The following PPP2R2B variants were observed in gnomAD, a reference collection of about 807,000 sequenced individuals.
The protein encoded by PPP2R2B is protein phosphatase 2 regulatory subunit Bbeta.
Under a neutral mutation model 46.0 loss-of-function variants are expected in PPP2R2B, and 5 were observed. That is an observed-to-expected ratio of 0.11 (90% confidence interval 0.06 to 0.23). The LOEUF (loss-of-function observed/expected upper bound fraction) is 0.23. PPP2R2B is among the 10% of genes least tolerant of loss of function. PPP2R2B has a pLI of 1.00. For synonymous variants in PPP2R2B, 215 were observed against 206.7 expected, an observed-to-expected ratio of 1.04 and a Z score of -0.34; for missense variants, 367 against 575.0, an observed-to-expected ratio of 0.64 and a Z score of 3.70.
At chr5:146,968,151 G>A (rs1464631047) in intron 1 of PPP2R2B, among the ~76,000 whole-genome samples, 1 of 152,150 alleles carries the variant, frequency 6.6e-6, no homozygotes, top group East Asian at 1.9e-4. Context: ...AAGGGGCTCA[G>A]GCAACACTCA....
At position 146,582,527 on chromosome 5, in the gene PPP2R2B, T is replaced by G. The variant is rs1769942526; in HGVS notation, c.*7420A>C. 1 of 152,294 alleles carries G rather than the reference T, an allele frequency of 6.6e-6. No homozygotes were observed. Among genetic ancestry groups the G allele is most frequent in the African/African-American group, 2.4e-5 (1 of 41,458 alleles). 9.4% of individuals were successfully genotyped at this position (152,294 alleles called of 1,614,324 possible). A position where few individuals can be genotyped will look rare whatever the true frequency, so the allele number is the denominator to read the frequency against. ...ATCTTGGCTCACTGGCTCCCAATTTTTTCTTAATTCCCTGACTCCTCTGAG... is the reference window on the plus strand; with the variant it reads ...ATCTTGGCTCACTGGCTCCCAATTTGTTCTTAATTCCCTGACTCCTCTGAG... On this transcript the variant is annotated 3_prime_UTR_variant, in exon 10 of 10. Transcript: ENST00000394411.
chr5:146,847,173 T>C (rs147051834), intron 2 of PPP2R2B, among the ~76,000 whole-genome samples: 81 of 152,354 alleles, frequency 5.3e-4, no homozygotes, highest in South Asian at 3.7e-3. Context: ...CTCTATCTCA[T>C]TGTTTTCCAA....
intron 2 of PPP2R2B, among the ~76,000 whole-genome samples, chr5:146,785,263 C>T (rs1417639443): frequency 6.6e-6 from 1 of 152,078 alleles, no homozygotes; most frequent in Non-Finnish European, 1.5e-5. Context: ...GATAAAATAG[C>T]TGGCCAGGCA....
At chr5:147,007,664 C>T (rs1320622442) in intron 1 of PPP2R2B, among the ~76,000 whole-genome samples, 1 of 152,170 alleles carries the variant, frequency 6.6e-6, no homozygotes, top group Non-Finnish European at 1.5e-5. Context: ...CTGTAACACT[C>T]ACTGCGAAGG....
intron 2 of PPP2R2B, among the ~76,000 whole-genome samples, chr5:146,765,728 T>A (rs974235107): frequency 6.6e-6 from 1 of 152,200 alleles, no homozygotes; most frequent in Non-Finnish European, 1.5e-5. Context: ...GAGAAGATAG[T>A]TAATGCATAT....
rs141056203 is a variant in PPP2R2B, at chr5:146,892,717, G to C, written c.79+162948C>G. ...TGTTAATCAGTGTTCTGGGAAAAGA[G>C]GTGCAGTTTGAAAAAAAGCGTCATG... On this transcript the variant is annotated intron_variant, in intron 1 of 8. Coordinates refer to the PPP2R2B transcript ENST00000336640. Among the ~76,000 whole-genome samples the C allele has an allele frequency of 1.6e-3, 237 of 152,152 alleles. 3 individuals carry two copies. The highest frequency in any genetic ancestry group is 5.1e-3 in the African/African-American group (211 of 41,486).
intron 7 of PPP2R2B, among the ~76,000 whole-genome samples, chr5:146,602,757 A>T (rs563047663): frequency 9.2e-5 from 14 of 152,322 alleles, no homozygotes; most frequent in East Asian, 3.9e-4. Context: ...CAAAAATTTT[A>T]AAAAAATCAT....
At chr5:146,972,860 C>G (rs1169923360) in intron 1 of PPP2R2B, among the ~76,000 whole-genome samples, 1 of 152,146 alleles carries the variant, frequency 6.6e-6, no homozygotes, top group African/African-American at 2.4e-5. Context: ...TCTAATCAAT[C>G]TTATTTTTGT....
At chr5:146,673,956 A>G (rs987199652) in intron 5 of PPP2R2B, among the ~76,000 whole-genome samples, 1 of 152,222 alleles carries the variant, frequency 6.6e-6, no homozygotes, top group Non-Finnish European at 1.5e-5. Context: ...AAGAAGTCTT[A>G]CATGTTGAGG....
upstream of PPP2R2B, among the ~76,000 whole-genome samples, chr5:146,882,513 A>G (rs1762200403): frequency 1.3e-5 from 2 of 152,198 alleles, no homozygotes; most frequent in South Asian, 2.1e-4. Flanking sequence ...CTAAAGCATC[A>G]TTTTCTTATC....
rs143726847 is a variant in PPP2R2B at position 146,597,321 on chromosome 5, T to C, written c.960+2970A>G. Among the ~76,000 whole-genome samples, 657 of 150,302 alleles carry C rather than the reference T, an allele frequency of 4.4e-3. 7 individuals carry two copies. Among genetic ancestry groups the C allele is most frequent in the African/African-American group, 0.016 (631 of 39,660 alleles). ...GTCATATTATGAACCTTGTCATTGC[T>C]ATCCCTGTACCTGTCATTGCTATCC... On this transcript the variant is annotated intron_variant, in intron 8 of 9. Coordinates refer to ENST00000394411, the MANE Select transcript of PPP2R2B (RefSeq NM_181675.4).
chr5:147,073,017 T>TA (rs1757649441), intron 2 of PPP2R2B, among the ~76,000 whole-genome samples: 1 of 152,156 alleles, frequency 6.6e-6, no homozygotes, highest in Non-Finnish European at 1.5e-5. Flanking sequence ...GGATTGTCAT[T>TA]AAAAACCATG....
At chr5:146,843,825 C>T (rs1397790978) in intron 2 of PPP2R2B, among the ~76,000 whole-genome samples, 1 of 151,824 alleles carries the variant, frequency 6.6e-6, no homozygotes, top group Non-Finnish European at 1.5e-5. Flanking sequence ...GTATATGTGC[C>T]ACATTTTCTT....
intron 2 of PPP2R2B, among the ~76,000 whole-genome samples, chr5:146,705,397 C>G (rs535506770): frequency 1.3e-5 from 2 of 151,980 alleles, no homozygotes; most frequent in East Asian, 3.9e-4. Context: ...GAAGGTTTTG[C>G]GGGGTCACTT....
chr5:146,967,349 A>G (rs944404709), intron 1 of PPP2R2B, among the ~76,000 whole-genome samples: 5 of 152,198 alleles, frequency 3.3e-5, no homozygotes, highest in Admixed American at 2.6e-4. Flanking sequence ...ATTAGCTACA[A>G]TTTATTGAAG....
chr5:146,810,052 G>T (rs1757429234), intron 2 of PPP2R2B, among the ~76,000 whole-genome samples: 1 of 152,200 alleles, frequency 6.6e-6, no homozygotes. Context: ...TTGAGAAGCT[G>T]GTGGGTAGTG....
At position 146,588,064 on chromosome 5, in the gene PPP2R2B, TCTC is replaced by T. The variant is rs1436706043; in HGVS notation, c.*1880_*1882del. 1 of 151,612 alleles carries T rather than the reference TCTC, an allele frequency of 6.6e-6. No individual in the cohort carries two copies. Among genetic ancestry groups the T allele is most frequent in the Non-Finnish European group, 1.5e-5 (1 of 67,934 alleles). The allele number at this position is 151,612 out of a possible 1,614,324, so 9.4% of individuals were successfully genotyped here. On this transcript the variant is annotated 3_prime_UTR_variant, in exon 10 of 10. Transcript: ENST00000394411. The stretch of plus-strand genomic sequence containing the variant: ...GGCAGAAGTTTCTGACTCTCTCATG[TCTC>T]CTCCAAGAACACTGTCCCAGTCAGG...
intron 1 of PPP2R2B, among the ~76,000 whole-genome samples, chr5:146,993,985 A>G (rs960533493): frequency 1.6e-4 from 24 of 152,106 alleles, no homozygotes; most frequent in African/African-American, 5.8e-4. Context: ...CATTAAAACC[A>G]CTGTATTTTC....
intron 5 of PPP2R2B, among the ~76,000 whole-genome samples, chr5:146,681,620 G>A (rs1037769853): frequency 6.6e-6 from 1 of 152,074 alleles, no homozygotes; most frequent in Non-Finnish European, 1.5e-5. Flanking sequence ...AGTATACAGA[G>A]AGCCCTTTAA....
Sources: gnomAD v4.1 joint callset for allele counts (sites outside exome capture counted in the v4.1 genomes callset) on GRCh38, gnomAD v4.1.1 for gene constraint, MANE v1.5 for transcripts, NCBI Gene and HGNC (gene_info 2026-07-23, HGNC 2026-07-21) for gene names.